The following AEBP2 variants were observed in gnomAD, a reference collection of about 807,000 sequenced individuals.
AEBP2 encodes zinc finger protein AEBP2.
A neutral mutation model predicts 50.8 loss-of-function variants in AEBP2; 10 were observed. The observed-to-expected ratio is 0.20, with a 90% CI of 0.12 to 0.33. AEBP2 has a LOEUF of 0.33. Among genes scored for constraint, AEBP2 ranks in the 10% least tolerant of loss-of-function variants. The pLI is 1.00. For missense variants in AEBP2, 570 were observed against 688.0 expected, an observed-to-expected ratio of 0.83 and a Z score of 1.92; for synonymous variants, 296 against 261.3, an observed-to-expected ratio of 1.13 and a Z score of -1.28.
chr12:19,512,263 A>T (rs1592785176), intron 5 of AEBP2, 135 bp from the exon 6 acceptor site: 1 of 515,558 alleles, frequency 1.9e-6, no homozygotes, highest in South Asian at 2.8e-5. Flanking sequence ...CTTATGATCC[A>T]CCCGCCTTGG....
At chr12:19,415,332 AAAAAAAAAAAAAAAAAAAATATATAT>A (rs2095741715) in intron 1 of AEBP2, among the ~76,000 whole-genome samples, 1 of 36,958 alleles carries the variant, frequency 2.7e-5, no homozygotes, top group African/African-American at 1.0e-4. Context: ...AAAAAAAAAA[AAAAAAAAAAAAAAAAAAAATATATAT>A]ATATATATAT....
chr12:19,483,440 C>G (rs1161848071), intron 3 of AEBP2, among the ~76,000 whole-genome samples: 1 of 152,084 alleles, frequency 6.6e-6, no homozygotes, highest in Non-Finnish European at 1.5e-5. Flanking sequence ...TTTTACCTGT[C>G]TCACGGAATT....
At chr12:19,517,606 C>G (rs1180191252) in intron 7 of AEBP2, among the ~76,000 whole-genome samples, 2 of 152,204 alleles carry the variant, frequency 1.3e-5, no homozygotes, top group African/African-American at 4.8e-5. Flanking sequence ...GCAGGGGATT[C>G]TGGGGACCCC....
chr12:19,434,217 A>C (rs2095753080), intron 1 of AEBP2, among the ~76,000 whole-genome samples: 2 of 148,564 alleles, frequency 1.3e-5, no homozygotes, highest in Admixed American at 6.7e-5. Flanking sequence ...CTTGTTGCCC[A>C]GGCTGGAGTG....
At chr12:19,423,978 A>G (rs1469661047) in intron 1 of AEBP2, among the ~76,000 whole-genome samples, 1 of 152,224 alleles carries the variant, frequency 6.6e-6, no homozygotes, top group Admixed American at 6.5e-5. Flanking sequence ...TATCTCAAGG[A>G]GGCATCAATA....
chr12:19,453,442 A>G (rs977661509), intron 1 of AEBP2, among the ~76,000 whole-genome samples: 3 of 144,640 alleles, frequency 2.1e-5, no homozygotes, highest in Admixed American at 6.9e-5. Context: ...TTTTTTGAGA[A>G]GGAGTCTTGC....
chr12:19,405,124 A>G (rs1239970706), intron 1 of AEBP2, among the ~76,000 whole-genome samples: 1 of 150,980 alleles, frequency 6.6e-6, no homozygotes, highest in East Asian at 2.0e-4. Flanking sequence ...TTTAGTAGAG[A>G]TGGGGTTTCA....
At chr12:19,423,154 A>G (rs1175754833) in intron 1 of AEBP2, among the ~76,000 whole-genome samples, 1 of 150,716 alleles carries the variant, frequency 6.6e-6, no homozygotes, top group African/African-American at 2.4e-5. Flanking sequence ...CTTTATTCAC[A>G]GCTATATGCC....
upstream of AEBP2, among the ~76,000 whole-genome samples, chr12:19,436,765 CA>C (rs950544747): frequency 6.6e-6 from 1 of 151,058 alleles, no homozygotes; most frequent in Admixed American, 6.6e-5. Context: ...TAGTTAACAA[CA>C]AAAAAAAGTG....
intron 2 of AEBP2, among the ~76,000 whole-genome samples, chr12:19,472,429 C>T (rs151149262): frequency 2.0e-4 from 31 of 152,256 alleles, no homozygotes; most frequent in East Asian, 5.8e-4. Flanking sequence ...ATTGACATGT[C>T]ACTGGTAGGA....
chr12:19,483,314 C>T (rs1355431111), intron 3 of AEBP2, among the ~76,000 whole-genome samples: 1 of 152,112 alleles, frequency 6.6e-6, no homozygotes, highest in Non-Finnish European at 1.5e-5. Context: ...TCTGTTTCAG[C>T]CCTAGGTAAG....
At chr12:19,449,609 G>C (rs557958849) in intron 1 of AEBP2, among the ~76,000 whole-genome samples, 1 of 152,130 alleles carries the variant, frequency 6.6e-6, no homozygotes, top group Non-Finnish European at 1.5e-5. Context: ...AAAGAAAATC[G>C]TTTGTCTTTA....
intron 5 of AEBP2, among the ~76,000 whole-genome samples, chr12:19,509,527 G>A (rs1949201670): frequency 6.6e-6 from 1 of 152,100 alleles, no homozygotes; most frequent in African/African-American, 2.4e-5. Flanking sequence ...AGGCAGATCA[G>A]CTGAGCTCAG....
chr12:19,445,648 G>T (rs1948048260), intron 1 of AEBP2, among the ~76,000 whole-genome samples: 1 of 152,188 alleles, frequency 6.6e-6, no homozygotes, highest in South Asian at 2.1e-4. Flanking sequence ...GTGAAGTGCT[G>T]TACGATCTGG....
At chr12:19,502,735 GC>G (rs1423028889) in intron 5 of AEBP2, among the ~76,000 whole-genome samples, 1 of 150,822 alleles carries the variant, frequency 6.6e-6, no homozygotes, top group Non-Finnish European at 1.5e-5. Flanking sequence ...TGCAACCTCT[GC>G]CTCCTGGGTT....
intron 1 of AEBP2, chr12:19,413,276 C>G: frequency 3.9e-6 from 5 of 1,273,844 alleles, no homozygotes; most frequent in Non-Finnish European, 5.7e-6. Context: ...ACTTGTAAAG[C>G]CTGAAAAAAC....
At chr12:19,485,253 G>C (rs1197603712) in intron 3 of AEBP2, among the ~76,000 whole-genome samples, 2 of 152,100 alleles carry the variant, frequency 1.3e-5, no homozygotes, top group Admixed American at 1.3e-4. Flanking sequence ...TTTCCTATTG[G>C]AGAGGGGAAA....
chr12:19,412,803 G>A (rs1389550563), intron 1 of AEBP2, among the ~76,000 whole-genome samples: 1 of 151,456 alleles, frequency 6.6e-6, no homozygotes, highest in African/African-American at 2.4e-5. Flanking sequence ...GGGAGAGTCC[G>A]CAGTGCAAAG....
At chr12:19,471,622 TG>T (rs1299520210) in intron 2 of AEBP2, among the ~76,000 whole-genome samples, 4 of 152,076 alleles carry the variant, frequency 2.6e-5, no homozygotes, top group Non-Finnish European at 5.9e-5. Context: ...CTGCCTCAGC[TG>T]CTAGCCCTAT....
Sources: allele counts gnomAD v4.1 joint callset (sites outside exome capture counted in the v4.1 genomes callset), GRCh38; gene constraint gnomAD v4.1.1; transcripts MANE v1.5; gene names NCBI Gene and HGNC (gene_info 2026-07-23, HGNC 2026-07-21).